The following DARS1 variants were observed in gnomAD, a reference collection of about 807,000 sequenced individuals.
The protein encoded by DARS1 is aspartyl-tRNA synthetase 1, also known as aspartate--tRNA ligase, cytoplasmic.
Under a neutral mutation model 68.8 loss-of-function variants are expected in DARS1, and 51 were observed. The ratio of observed to expected loss-of-function variants is 0.74; its 90% confidence interval spans 0.59 to 0.94. The LOEUF is 0.94. DARS1 is among the 40% of genes least tolerant of loss of function. The pLI is 0.00. For synonymous variants in DARS1, 203 were observed against 190.4 expected, an observed-to-expected ratio of 1.07 and a Z score of -0.55; for missense variants, 607 against 597.3, an observed-to-expected ratio of 1.02 and a Z score of -0.17.
At chr2:135,937,129 C>T (rs1422501690) in intron 5 of DARS1, among the ~76,000 whole-genome samples, 2 of 152,032 alleles carry the variant, frequency 1.3e-5, no homozygotes, top group Admixed American at 1.3e-4. Flanking sequence ...CACTTAGTCA[C>T]GCAGGTTGGA....
chr2:135,909,148 G>A (rs1680847694), intron 15 of DARS1, among the ~76,000 whole-genome samples: 1 of 151,826 alleles, frequency 6.6e-6, no homozygotes, highest in Non-Finnish European at 1.5e-5. Context: ...GTGGGGTGGG[G>A]GACAGCATTA....
chr2:135,949,470 T>G (rs1014198654), intron 4 of DARS1, among the ~76,000 whole-genome samples: 1 of 152,190 alleles, frequency 6.6e-6, no homozygotes, highest in Admixed American at 6.5e-5. Context: ...AACTTCAGGA[T>G]CAACTATTAA....
At chr2:135,912,025 A>T (rs989491911) in intron 13 of DARS1, among the ~76,000 whole-genome samples, 1 of 152,164 alleles carries the variant, frequency 6.6e-6, no homozygotes, top group African/African-American at 2.4e-5. Flanking sequence ...CTGCCTCAGC[A>T]ACTGGTGTTT....
chr2:135,936,559 C>T (rs1005041555), intron 5 of DARS1, among the ~76,000 whole-genome samples: 3 of 152,060 alleles, frequency 2.0e-5, no homozygotes, highest in Non-Finnish European at 4.4e-5. Flanking sequence ...CCACATCTGG[C>T]CAAATTTTCT....
In DARS1 at chr2:135,906,261, T is replaced by G. The variant is rs1314613344; in HGVS notation, c.*1055A>C. On this transcript the variant is annotated 3_prime_UTR_variant, in exon 16 of 16. Coordinates refer to ENST00000264161, the MANE Select transcript of DARS1 (RefSeq NM_001349.4). The stretch of plus-strand genomic sequence containing the variant: ...CTTCCTGTACAAAAATATGTTATGT[T>G]TTGTTCCTCCCCAATATTTGTGGTC... Among the ~76,000 whole-genome samples, 1 of 152,224 alleles carries G rather than the reference T, an allele frequency of 6.6e-6. No homozygotes were observed. The highest frequency in any genetic ancestry group is 1.5e-5 in the Non-Finnish European group (1 of 68,038).
chr2:135,908,839 T>C (rs1680838610), intron 15 of DARS1, among the ~76,000 whole-genome samples: 2 of 152,226 alleles, frequency 1.3e-5, no homozygotes, highest in South Asian at 2.1e-4. Context: ...CACGTGTATG[T>C]TCATTGCAGC....
In DARS1 at chr2:135,985,170, G is replaced by A. The variant is rs970920481; in HGVS notation, c.66+233C>T. Reference sequence around the variant, plus strand: ...GGTTCTTCCCGTCCTCCCCACCCCGGGGACACGCTTCTAGTAGGCCAAACT... The same window carrying A: ...GGTTCTTCCCGTCCTCCCCACCCCGAGGACACGCTTCTAGTAGGCCAAACT... On this transcript the variant is annotated intron_variant, in intron 1 of 15. Coordinates refer to ENST00000264161, the MANE Select transcript of DARS1 (RefSeq NM_001349.4). The A allele has an allele frequency of 6.6e-6, 4 of 603,196 alleles. 1 individual carries two copies. The highest frequency in any genetic ancestry group is 1.1e-5 in the Non-Finnish European group (4 of 369,510). 37.4% of individuals were successfully genotyped at this position (603,196 alleles called of 1,614,324 possible). A position where few individuals can be genotyped will look rare whatever the true frequency, so the allele number is the denominator to read the frequency against.
At chr2:135,914,364 C>T in intron 12 of DARS1, 105 bp downstream of exon 12, 15 of 715,370 alleles carry the variant, frequency 2.1e-5, no homozygotes, top group South Asian at 7.3e-5. Flanking sequence ...TTATTTATTC[C>T]AGAATCATAC....
intron 4 of DARS1, among the ~76,000 whole-genome samples, chr2:135,953,891 T>C (rs1681903222): frequency 6.6e-6 from 1 of 151,680 alleles, no homozygotes; most frequent in African/African-American, 2.4e-5. Context: ...TCAGATCCAC[T>C]TTTTATTTAT....
At chr2:135,919,698 G>A (rs1681077262) in intron 10 of DARS1, among the ~76,000 whole-genome samples, 1 of 152,178 alleles carries the variant, frequency 6.6e-6, no homozygotes, top group East Asian at 1.9e-4. Context: ...CCAGTTTAGA[G>A]GGTGTAGGTG....
chr2:135,977,111 CAAGT>C lies in DARS1; in HGVS notation c.217+2159_217+2162del, dbSNP rs532030906. On this transcript the variant is annotated intron_variant, in intron 3 of 15. Coordinates refer to ENST00000264161, the MANE Select transcript of DARS1 (RefSeq NM_001349.4). ...ACCCACAAAAAACTACGATGGAAGG[CAAGT>C]AAGTAACTGTCATGCTCATTAACAT... 1.9e-3 allele frequency among the ~76,000 whole-genome samples: 293 copies of C among 152,302 alleles called. 3 individuals are homozygous for C. Among genetic ancestry groups the C allele is most frequent in the African/African-American group, 6.8e-3 (283 of 41,554 alleles).
At chr2:135,977,645 A>G (rs933186043) in intron 3 of DARS1, among the ~76,000 whole-genome samples, 1 of 152,214 alleles carries the variant, frequency 6.6e-6, no homozygotes, top group African/African-American at 2.4e-5. Context: ...CAGGAAGGCA[A>G]ATCAACATTA....
intron 3 of DARS1, among the ~76,000 whole-genome samples, chr2:135,970,759 T>C (rs982741339): frequency 2.6e-5 from 4 of 151,822 alleles, no homozygotes; most frequent in Non-Finnish European, 5.9e-5. Flanking sequence ...AAATTAGAGA[T>C]GAAAAAGGAG....
Position 135,920,449 on chromosome 2 carries a change from T to C in DARS1, c.959+4A>G, listed in dbSNP as rs377399224. On this transcript the variant is annotated splice_donor_region_variant and intron_variant, in intron 10 of 15. Coordinates refer to ENST00000264161, the MANE Select transcript of DARS1 (RefSeq NM_001349.4). The stretch of plus-strand genomic sequence containing the variant: ...TCCATCTAGGTGCATAAAATACTTT[T>C]TACCTTTCTTGAAGTCCTTTGAATA... 2.4e-5 allele frequency: 38 copies of C among 1,610,776 alleles called. No individual in the cohort carries two copies. The highest frequency in any genetic ancestry group is 9.3e-6 in the Non-Finnish European group (11 of 1,178,940).
intron 5 of DARS1, among the ~76,000 whole-genome samples, chr2:135,936,421 G>A (rs748463895): frequency 1.3e-5 from 2 of 151,572 alleles, no homozygotes; most frequent in African/African-American, 2.4e-5. Context: ...TTTGAGACAG[G>A]GTCTTGCTCT....
intron 7 of DARS1, among the ~76,000 whole-genome samples, chr2:135,926,049 C>G (rs1164344152): frequency 6.6e-6 from 1 of 152,098 alleles, no homozygotes; most frequent in East Asian, 1.9e-4. Flanking sequence ...CGTCACCATG[C>G]CCAGCTAATT....
At chr2:135,917,859 T>C (rs1490812666) in intron 10 of DARS1, among the ~76,000 whole-genome samples, 1 of 152,180 alleles carries the variant, frequency 6.6e-6, no homozygotes, top group Non-Finnish European at 1.5e-5. Context: ...AGCTTAGCCA[T>C]TGATTTATTA....
At chr2:135,964,919 A>T (rs1682190478) in intron 3 of DARS1, among the ~76,000 whole-genome samples, 1 of 151,760 alleles carries the variant, frequency 6.6e-6, no homozygotes, top group East Asian at 1.9e-4. Context: ...ATTAGATTTA[A>T]TTCTAAAAAA....
Position 135,969,282 on chromosome 2 carries a change from C to T in DARS1, c.218-7784G>A, listed in dbSNP as rs111608134. On this transcript the variant is annotated intron_variant, in intron 3 of 15. Coordinates refer to ENST00000264161, the MANE Select transcript of DARS1 (RefSeq NM_001349.4). ...AGTATAACAAGACATATTAAACATA[C>T]ACACATCCAAAATAAAACAAACTGT... Among the ~76,000 whole-genome samples the T allele has an allele frequency of 1.2e-3, 188 of 151,854 alleles. 1 individual carries two copies. The highest frequency in any genetic ancestry group is 4.3e-3 in the African/African-American group (178 of 41,372).
Sources: gnomAD v4.1 joint callset for allele counts (sites outside exome capture counted in the v4.1 genomes callset) on GRCh38, gnomAD v4.1.1 for gene constraint, MANE v1.5 for transcripts, NCBI Gene and HGNC (gene_info 2026-07-23, HGNC 2026-07-21) for gene names.